HNF1B: variants seen among roughly 807,000 people sequenced by gnomAD.
HNF1B encodes the protein HNF1 homeobox B, also known as hepatocyte nuclear factor 1-beta.
A neutral mutation model predicts 61.7 loss-of-function variants in HNF1B; 8 were observed. The observed-to-expected ratio is 0.13, with a 90% CI of 0.08 to 0.23. The LOEUF (loss-of-function observed/expected upper bound fraction) is 0.23, where lower values mean the gene tolerates loss of function less well. Among genes scored for constraint, HNF1B ranks in the 10% least tolerant of loss-of-function variants. HNF1B has a pLI of 1.00. For synonymous variants in HNF1B, 314 were observed against 287.7 expected, an observed-to-expected ratio of 1.09 and a Z score of -0.93; for missense variants, 562 against 714.5, an observed-to-expected ratio of 0.79 and a Z score of 2.43.
rs756773180 is a variant in HNF1B at position 37,699,156 on chromosome 17, T to G, written c.1573A>C (p.Thr525Pro). 5 of 1,613,818 alleles carry G rather than the reference T, an allele frequency of 3.1e-6. No individual in the cohort carries two copies. The highest frequency in any genetic ancestry group is 4.2e-6 in the Non-Finnish European group (5 of 1,179,982). The change falls in exon 8 of 9, where the codon ACC becomes CCC. Residue 525 changes from threonine to proline, a missense_variant. Thr to Pro is a conservative substitution (Grantham distance 38). This residue lies in a region of HNF1B where 64 missense variants were observed against 96.9 expected (regional missense o/e 0.66). Coordinates refer to ENST00000617811, the MANE Select transcript of HNF1B (RefSeq NM_000458.4). ...HKQEPPQYSH[T>P]SRFPSAMVVT... ...ACCATTGCAGATGGAAACCGGGAGG[T>G]GTGGGAATACTGGGGGGGTTCCTGC...
rs181663768 is a variant in HNF1B, at chr17:37,734,720, T to C, written c.545-899A>G. Among the ~76,000 whole-genome samples, 9 of 152,240 alleles carry C rather than the reference T, an allele frequency of 5.9e-5. No individual in the cohort carries two copies. The East Asian group carries it at 1.5e-3, about 26-fold the overall frequency. ...ATGAATAAACATGGAGGCTAAGCAC[T>C]CTGCTGAGCAAAGACACGTAATACA... On this transcript the variant is annotated intron_variant, in intron 2 of 8. Transcript: ENST00000617811.
At chr17:37,689,890 T>C (rs1696301493) in intron 8 of HNF1B, among the ~76,000 whole-genome samples, 1 of 152,212 alleles carries the variant, frequency 6.6e-6, no homozygotes, top group East Asian at 1.9e-4. Context: ...TACTGTGTAC[T>C]TGGCACTTTT....
chr17:37,706,433 G>A (rs544783965), intron 5 of HNF1B, among the ~76,000 whole-genome samples: 5 of 152,082 alleles, frequency 3.3e-5, no homozygotes, highest in African/African-American at 4.8e-5. Flanking sequence ...CTTTTCAGAC[G>A]ATAGCTCTCC....
rs751091161 is a variant in HNF1B at position 37,744,910 on chromosome 17, G to A, written c.-26C>T. 1.2e-5 allele frequency: 13 copies of A among 1,049,556 alleles called. No homozygotes were observed. Among genetic ancestry groups the A allele is most frequent in the African/African-American group, 9.5e-5 (6 of 62,930 alleles). The allele number at this position is 1,049,556 out of a possible 1,614,324, so 65.0% of individuals were successfully genotyped here. On this transcript the variant is annotated 5_prime_UTR_variant, in exon 1 of 9. Transcript: ENST00000617811. ...TTTCCAAGGACGGAAAAAGAAGGGG[G>A]TGAGGGGGTGGGTGGGTGCGAGAGA...
At chr17:37,709,165 C>T (rs142792897) in intron 5 of HNF1B, among the ~76,000 whole-genome samples, 334 of 152,314 alleles carry the variant, frequency 2.2e-3, no homozygotes, top group African/African-American at 7.6e-3. Context: ...CCTGTTCTCC[C>T]ATAAGCCACT....
chr17:37,736,886 G>C (rs1476127038), intron 2 of HNF1B, among the ~76,000 whole-genome samples: 2 of 152,142 alleles, frequency 1.3e-5, no homozygotes, highest in African/African-American at 4.8e-5. Context: ...TGAAGAACTA[G>C]ACTCCCACAT....
In HNF1B at chr17:37,705,088, T is replaced by A. The variant is rs369382627; in HGVS notation, c.1207-39A>T. The A allele has an allele frequency of 1.8e-5, 29 of 1,597,892 alleles. No individual in the cohort carries two copies. The African/African-American group carries it at 3.2e-4, about 18-fold the overall frequency. Reference sequence around the variant, plus strand: ...AAAAACAAGAGAAACATGGGTGGACTTGGACCACAAAGAGCAGTTTCCAAC... The same window carrying A: ...AAAAACAAGAGAAACATGGGTGGACATGGACCACAAAGAGCAGTTTCCAAC... On this transcript the variant is annotated intron_variant, in intron 5 of 8. Coordinates refer to ENST00000617811, the MANE Select transcript of HNF1B (RefSeq NM_000458.4).
Position 37,733,668 on chromosome 17 carries a change from C to T in HNF1B, c.698G>A (p.Arg233His), listed in dbSNP as rs867882536. 6.2e-7 allele frequency: 1 copy of T among 1,614,118 alleles called. No homozygotes were observed. The highest frequency in any genetic ancestry group is 1.1e-5 in the South Asian group (1 of 91,080). Residue 233 changes from arginine to histidine, a missense_variant, in exon 3 of 9, where the codon CGC (arginine) becomes CAC (histidine). Arg to His is a conservative substitution (Grantham distance 29). Transcript: ENST00000617811. ...CSEPTNKKMR[R>H]NRFKWGPASQ... ...CGCGGGCCCCCATTTGAACCGGTTG[C>T]GGCGCATCTTCTTGTTGGTGGGCTC... is the stretch of plus-strand genomic sequence containing the variant.
intron 6 of HNF1B, among the ~76,000 whole-genome samples, chr17:37,702,886 T>C (rs2147452006): frequency 6.6e-6 from 1 of 152,330 alleles, no homozygotes; most frequent in East Asian, 1.9e-4. Context: ...TCATTCCAGC[T>C]CCCTCAGTGG....
At chr17:37,715,322 G>A (rs35451363) in intron 4 of HNF1B, among the ~76,000 whole-genome samples, 2,419 of 152,274 alleles carry the variant, frequency 0.016, 51 homozygotes, top group South Asian at 0.062. Context: ...CTGAAGGAAT[G>A]AAACCCCAGC....
chr17:37,724,362 C>CA (rs1182159537), intron 4 of HNF1B, among the ~76,000 whole-genome samples: 1 of 152,160 alleles, frequency 6.6e-6, no homozygotes, highest in Non-Finnish European at 1.5e-5. Context: ...TATGTAGTCC[C>CA]ACTCCCCAGC....
intron 8 of HNF1B, among the ~76,000 whole-genome samples, chr17:37,696,133 C>T (rs1057238459): frequency 2.6e-5 from 4 of 152,138 alleles, no homozygotes; most frequent in East Asian, 1.9e-4. Context: ...AGTTAGTTCA[C>T]GTGAGATCTG....
chr17:37,710,701 C>T (rs1455635448), intron 4 of HNF1B, 38 bp from the exon 5 acceptor site: 2 of 1,595,276 alleles, frequency 1.3e-6, no homozygotes, highest in Admixed American at 3.5e-5. Context: ...AACATTAGTG[C>T]CACCAGGGTC....
At chr17:37,738,858 G>C (rs2033908751) in intron 2 of HNF1B, among the ~76,000 whole-genome samples, 1 of 152,122 alleles carries the variant, frequency 6.6e-6, no homozygotes. Flanking sequence ...ACCAGCTGAG[G>C]TCCCCACACT....
chr17:37,739,235 G>T (rs1055327973), intron 2 of HNF1B, among the ~76,000 whole-genome samples: 3 of 152,170 alleles, frequency 2.0e-5, no homozygotes, highest in South Asian at 2.1e-4. Context: ...CAACTGGCTG[G>T]GTAGCAAGGG....
Position 37,744,565 on chromosome 17 carries a change from C to G in HNF1B, c.320G>C (p.Arg107Pro). 6.2e-7 allele frequency: 1 copy of G among 1,604,850 alleles called. No individual in the cohort carries two copies. Among genetic ancestry groups the G allele is most frequent in the South Asian group, 1.1e-5 (1 of 91,076 alleles). The change falls in exon 1 of 9, where the codon CGG (arginine) becomes CCG (proline). Residue 107 changes from arginine to proline, a missense_variant. This residue lies in a region of HNF1B where 148 missense variants were observed against 147.3 expected (regional missense o/e 1.00). Coordinates refer to ENST00000617811, the MANE Select transcript of HNF1B (RefSeq NM_000458.4). ...ALNTEEAAEQ[R>P]AEVDRMLSED... ...CCTGAGCATCCGGTCCACCTCCGCC[C>G]GCTGCTCCGCCGCCTCCTCGGTGTT...
chr17:37,743,521 C>G (rs1264738874), intron 1 of HNF1B, among the ~76,000 whole-genome samples: 1 of 152,252 alleles, frequency 6.6e-6, no homozygotes, highest in African/African-American at 2.4e-5. Flanking sequence ...AGGTCATATC[C>G]CACCCCAAAC....
At chr17:37,726,377 T>G (rs115490692) in intron 4 of HNF1B, among the ~76,000 whole-genome samples, 1,707 of 152,324 alleles carry the variant, frequency 0.011, 38 homozygotes, top group African/African-American at 0.038. Context: ...TGCAGGGCTG[T>G]TGTGTGGGTC....
intron 6 of HNF1B, among the ~76,000 whole-genome samples, chr17:37,703,247 TAC>T (rs910202301): frequency 3.3e-5 from 5 of 152,288 alleles, no homozygotes; most frequent in African/African-American, 1.2e-4. Flanking sequence ...CACAGATATG[TAC>T]ACACACAGCC....
Sources: allele counts gnomAD v4.1 joint callset (sites outside exome capture counted in the v4.1 genomes callset), GRCh38; gene constraint gnomAD v4.1.1; regional missense constraint gnomAD v4.1.1; transcripts MANE v1.5; gene names NCBI Gene and HGNC (gene_info 2026-07-23, HGNC 2026-07-21).